TANC2: variants seen among roughly 807,000 people sequenced by gnomAD.
TANC2 encodes the protein tetratricopeptide repeat, ankyrin repeat and coiled-coil containing 2, also known as protein TANC2.
In TANC2, 26 loss-of-function variants were observed where a neutral mutation model predicts 210.5. That is an observed-to-expected ratio of 0.12 (90% CI 0.09 to 0.17). TANC2 has a LOEUF of 0.17. TANC2 is among the 10% of genes least tolerant of loss of function. The pLI is 1.00. For missense variants in TANC2, 2,129 were observed against 2,608.9 expected (o/e 0.82, Z 4.01); for synonymous variants, 931 against 967.1 (o/e 0.96, Z 0.69).
intron 4 of TANC2, among the ~76,000 whole-genome samples, chr17:63,111,205 C>T (rs1303490560): frequency 6.6e-6 from 1 of 152,064 alleles, no homozygotes; most frequent in Admixed American, 6.6e-5. Context: ...ATCCCAGCTA[C>T]TCGGGAGGCT....
chr17:63,412,354 C>T lies in TANC2; in HGVS notation c.3898+224C>T, dbSNP rs909656473. Among the ~76,000 whole-genome samples the T allele has an allele frequency of 7.2e-5, 11 of 152,192 alleles. No homozygotes were observed. The highest frequency in any genetic ancestry group is 2.7e-4 in the African/African-American group (11 of 41,450). On this transcript the variant is annotated intron_variant, in intron 23 of 27. Transcript: ENST00000689528. This position sits in a 1 kb window ranked among gnomAD's most constrained non-coding sequence, Gnocchi z 4.2. ...AACCACGTGGTTCTCTACCATGTCC[C>T]TTGTAGCCTTAGCCAGGAGGCTGCT...
intron 4 of TANC2, among the ~76,000 whole-genome samples, chr17:63,131,498 C>T (rs1288685743): frequency 6.6e-6 from 1 of 150,828 alleles, no homozygotes; most frequent in Non-Finnish European, 1.5e-5. Flanking sequence ...TACCAAATAT[C>T]ACATCGTTAT....
At chr17:63,351,539 C>T in intron 13 of TANC2, 123 bp downstream of exon 13, 1 of 689,262 alleles carries the variant, frequency 1.5e-6, no homozygotes. Flanking sequence ...AAGAATAATT[C>T]CCGAAGAATT....
intron 4 of TANC2, among the ~76,000 whole-genome samples, chr17:63,119,390 A>T (rs1007345622): frequency 1.3e-5 from 2 of 152,224 alleles, no homozygotes; most frequent in Non-Finnish European, 2.9e-5. Flanking sequence ...CTATCTGTTT[A>T]TACAAGTGCC....
rs1052569424 is a variant in TANC2, at chr17:63,418,600, G to A, written c.4268+193G>A. 6.6e-6 allele frequency among the ~76,000 whole-genome samples: 1 copy of A among 152,216 alleles called. No homozygotes were observed. The highest frequency in any genetic ancestry group is 2.1e-4 in the South Asian group (1 of 4,830). ...TCAGCAAATCTGCTGGGCTGTGGAG[G>A]CCACGAATGTTTCACTTCGGGAGAA... On this transcript the variant is annotated intron_variant, in intron 27 of 27. Transcript: ENST00000689528. This position sits in a 1 kb window ranked among gnomAD's most constrained non-coding sequence, Gnocchi z 4.6.
chr17:63,026,314 C>T (rs775558369), intron 2 of TANC2, among the ~76,000 whole-genome samples: 25 of 151,940 alleles, frequency 1.6e-4, no homozygotes, highest in East Asian at 3.9e-4. Flanking sequence ...AGTACCTGCC[C>T]GGCACATAGC....
intron 4 of TANC2, among the ~76,000 whole-genome samples, chr17:63,104,855 T>G (rs2037766122): frequency 1.3e-5 from 2 of 148,406 alleles, no homozygotes; most frequent in South Asian, 4.1e-4. Context: ...CTCTGTAATC[T>G]CGCTCAAATT....
At chr17:63,016,090 C>T (rs887095316) in intron 2 of TANC2, among the ~76,000 whole-genome samples, 1 of 152,054 alleles carries the variant, frequency 6.6e-6, no homozygotes, top group African/African-American at 2.4e-5. Flanking sequence ...GATAGAGAAA[C>T]AAAAGTGAGC....
chr17:63,222,936 A>G (rs1239404048), intron 7 of TANC2, among the ~76,000 whole-genome samples: 1 of 152,208 alleles, frequency 6.6e-6, no homozygotes, highest in Admixed American at 6.5e-5. Context: ...ACACAATGGA[A>G]ACTTACTCAG....
chr17:63,348,595 A>C (rs1036174908), intron 12 of TANC2, among the ~76,000 whole-genome samples: 40 of 152,330 alleles, frequency 2.6e-4, no homozygotes, highest in African/African-American at 9.6e-4. Context: ...AGATTAGATA[A>C]TGTCCCTCCT....
chr17:63,237,722 T>C (rs1156946219), intron 7 of TANC2, 92 bp from the exon 8 acceptor site: 1 of 1,336,892 alleles, frequency 7.5e-7, no homozygotes, highest in East Asian at 2.5e-5. Flanking sequence ...AATGGTGTCC[T>C]TTCCCCAATG....
chr17:63,393,899 T>C (rs2048069138), intron 17 of TANC2, among the ~76,000 whole-genome samples: 1 of 151,474 alleles, frequency 6.6e-6, no homozygotes, highest in African/African-American at 2.4e-5. Flanking sequence ...CCCTCCGGAG[T>C]AGCTGGGATT....
chr17:63,354,736 G>T, intron 13 of TANC2, 47 bp from the exon 14 acceptor site: 1 of 1,522,544 alleles, frequency 6.6e-7, no homozygotes, highest in South Asian at 1.3e-5. Context: ...AAGAGTTAGG[G>T]GAAACTGAAG....
intron 11 of TANC2, 95 bp downstream of exon 11, chr17:63,319,185 C>T (rs755664575): frequency 7.0e-6 from 9 of 1,285,002 alleles, no homozygotes; most frequent in African/African-American, 3.0e-5. Flanking sequence ...AACAAAAATA[C>T]GTAAAGCTAT....
intron 3 of TANC2, among the ~76,000 whole-genome samples, chr17:63,093,994 C>T (rs1052959545): frequency 6.6e-6 from 1 of 151,904 alleles, no homozygotes; most frequent in Non-Finnish European, 1.5e-5. Flanking sequence ...CAGATGTATT[C>T]CTAAATATTT....
At chr17:62,981,214 TTC>T (rs1176971769) in intron 1 of TANC2, among the ~76,000 whole-genome samples, 4 of 152,210 alleles carry the variant, frequency 2.6e-5, no homozygotes, top group African/African-American at 7.2e-5. Context: ...CCATTCCATC[TTC>T]TCTCTCAGCT....
chr17:63,180,248 G>C (rs1417572115), intron 5 of TANC2, among the ~76,000 whole-genome samples: 1 of 152,186 alleles, frequency 6.6e-6, no homozygotes, highest in Non-Finnish European at 1.5e-5. Context: ...GTGATTTGTT[G>C]GAAGATGTTG....
At chr17:63,267,626 A>G (rs2043569236) in intron 8 of TANC2, 122 bp from the exon 9 acceptor site, 4 of 829,006 alleles carry the variant, frequency 4.8e-6, no homozygotes, top group Admixed American at 3.0e-5. Flanking sequence ...TATATATTAC[A>G]TATTTTGCAT....
chr17:63,058,713 T>G (rs886289118), intron 2 of TANC2, among the ~76,000 whole-genome samples: 1 of 152,234 alleles, frequency 6.6e-6, no homozygotes, highest in African/African-American at 2.4e-5. Context: ...GTCAGCTTTG[T>G]TGAACGTCAG....
Sources: allele counts gnomAD v4.1 joint callset (sites outside exome capture counted in the v4.1 genomes callset), GRCh38; gene constraint gnomAD v4.1.1; non-coding constraint Gnocchi (gnomAD v3.1); transcripts MANE v1.5; gene names NCBI Gene and HGNC (gene_info 2026-07-23, HGNC 2026-07-21).